BRWD3: variants seen among roughly 807,000 people sequenced by gnomAD.
BRWD3 encodes the protein bromodomain and WD repeat-containing protein 3.
BRWD3 carries 10 observed loss-of-function variants against 149.7 expected under a neutral mutation model. The ratio of observed to expected loss-of-function variants is 0.07; its 90% CI spans 0.04 to 0.11. BRWD3 has a LOEUF of 0.11. BRWD3 is among the 10% of genes least tolerant of loss of function. BRWD3 has a pLI of 1.00. For synonymous variants in BRWD3, 504 were observed against 456.7 expected (o/e 1.10, Z -1.32); for missense variants, 940 against 1,373.2 (o/e 0.68, Z 4.99).
intron 4 of BRWD3, among the ~76,000 whole-genome samples, chrX:80,806,116 T>C (rs771564048): frequency 3.6e-5 from 4 of 111,551 alleles, no homozygotes. Context: ...GTTCAAATTA[T>C]CACTCAACCC....
At chrX:80,733,302 T>C in intron 12 of BRWD3, 154 bp downstream of exon 12, 2 of 424,516 alleles carry the variant, frequency 4.7e-6, no homozygotes, top group Non-Finnish European at 8.2e-6. Context: ...ATTGTGGAAG[T>C]GATGGCTAAG....
intron 8 of BRWD3, among the ~76,000 whole-genome samples, chrX:80,740,022 A>C (rs1331132851): frequency 1.8e-5 from 2 of 112,097 alleles, no homozygotes; most frequent in Non-Finnish European, 3.8e-5. Flanking sequence ...GTCAGATATG[A>C]TAGTGAGATC....
At chrX:80,734,583 T>C (rs1569266946) in intron 10 of BRWD3, among the ~76,000 whole-genome samples, 1 of 111,217 alleles carries the variant, frequency 9.0e-6, no homozygotes. Flanking sequence ...TCAACTGCTT[T>C]TGGGATGATG....
At chrX:80,728,491 T>C (rs1325087028) in intron 14 of BRWD3, among the ~76,000 whole-genome samples, 1 of 111,602 alleles carries the variant, frequency 9.0e-6, no homozygotes, top group East Asian at 2.8e-4. Flanking sequence ...AACTTATATG[T>C]CCTCATTGTA....
At chrX:80,687,060 C>CTCAT (rs2072537223) in intron 34 of BRWD3, 57 bp from the exon 35 acceptor site, 6 of 1,052,186 alleles carry the variant, frequency 5.7e-6, no homozygotes, top group Non-Finnish European at 7.9e-6. Context: ...AGTTGATTTT[C>CTCAT]TCATAAGTCC....
At chrX:80,737,640 G>A (rs181610263) in intron 8 of BRWD3, among the ~76,000 whole-genome samples, 1 of 111,929 alleles carries the variant, frequency 8.9e-6, no homozygotes, top group African/African-American at 3.2e-5. Flanking sequence ...TTCGAAACGA[G>A]ACTGGCCGAT....
rs1170304145 is a variant in BRWD3, at chrX:80,673,130, A to G, written c.*3479T>C. On this transcript the variant is annotated 3_prime_UTR_variant, in exon 41 of 41. Transcript: ENST00000373275. ...AAGATAAATAACAGAAACGTACTTA[A>G]AAGTATTAGAAGGCTGAGTTAAATA... The G allele has an allele frequency of 8.9e-6, 1 of 111,964 alleles. No individual in the cohort carries two copies. Among genetic ancestry groups the G allele is most frequent in the Non-Finnish European group, 1.9e-5 (1 of 53,192 alleles). The allele number at this position is 111,964 out of a possible 1,213,427, so 9.2% of individuals were successfully genotyped here.
At chrX:80,711,242 T>G (rs971117559) in intron 20 of BRWD3, among the ~76,000 whole-genome samples, 1 of 111,857 alleles carries the variant, frequency 8.9e-6, no homozygotes, top group Admixed American at 9.5e-5. Flanking sequence ...AGGGCTAAAC[T>G]CTGATCTTTT....
At chrX:80,721,863 T>C (rs977976431) in intron 17 of BRWD3, among the ~76,000 whole-genome samples, 1 of 111,760 alleles carries the variant, frequency 8.9e-6, no homozygotes, top group African/African-American at 3.3e-5. Context: ...TTCTTTTTAT[T>C]GAGACAAGAG....
At chrX:80,766,690 G>A (rs189353661) in intron 6 of BRWD3, among the ~76,000 whole-genome samples, 1 of 112,003 alleles carries the variant, frequency 8.9e-6, no homozygotes, top group African/African-American at 3.2e-5. Flanking sequence ...CTCCCAGCGT[G>A]ATCGATGCAG....
At position 80,672,745 on chromosome X, in the gene BRWD3, C is replaced by G. The variant is rs192339199; in HGVS notation, c.*3864G>C. The G allele has an allele frequency of 9.0e-6, 1 of 111,339 alleles. No homozygotes were observed. The highest frequency in any genetic ancestry group is 3.3e-5 in the African/African-American group (1 of 30,604). 9.2% of individuals were successfully genotyped at this position (111,339 alleles called of 1,213,427 possible). On this transcript the variant is annotated 3_prime_UTR_variant, in exon 41 of 41. Coordinates refer to ENST00000373275, the MANE Select transcript of BRWD3 (RefSeq NM_153252.5). ...ATTTAAAACAATGGACTTTACATGT[C>G]GAAAGTTCCATCCCTTCCCCTAGAA... is the stretch of plus-strand genomic sequence containing the variant.
chrX:80,755,755 C>T (rs757106485), intron 6 of BRWD3, among the ~76,000 whole-genome samples: 2 of 111,252 alleles, frequency 1.8e-5, no homozygotes, highest in Admixed American at 9.6e-5. Flanking sequence ...GGAATGGTTA[C>T]GTATTAAATT....
chrX:80,726,952 C>G (rs1034692830), intron 14 of BRWD3, among the ~76,000 whole-genome samples: 6 of 109,692 alleles, frequency 5.5e-5, no homozygotes, highest in Admixed American at 4.9e-4. Context: ...GTTTGTTAAA[C>G]TCTAATGATA....
intron 6 of BRWD3, among the ~76,000 whole-genome samples, chrX:80,757,252 A>T (rs1286904102): frequency 8.9e-6 from 1 of 112,187 alleles, no homozygotes; most frequent in Non-Finnish European, 1.9e-5. Flanking sequence ...CCACTATGTC[A>T]CAAAAGTAAA....
chrX:80,808,663 C>G, intron 3 of BRWD3, 65 bp from the exon 4 acceptor site: 1 of 1,018,531 alleles, frequency 9.8e-7, no homozygotes, highest in Non-Finnish European at 1.4e-6. Flanking sequence ...CCTCCGCTCC[C>G]CATCAACTGG....
intron 25 of BRWD3, among the ~76,000 whole-genome samples, chrX:80,697,105 A>T (rs1419285505): frequency 1.8e-5 from 2 of 110,558 alleles, no homozygotes; most frequent in African/African-American, 6.6e-5. Flanking sequence ...AAATTTAATG[A>T]TCCGAAATCC....
At chrX:80,715,511 T>G (rs2073063570) in intron 20 of BRWD3, among the ~76,000 whole-genome samples, 1 of 112,190 alleles carries the variant, frequency 8.9e-6, no homozygotes, top group African/African-American at 3.2e-5. Flanking sequence ...CTGAGAGTAT[T>G]CTGCTTAGCA....
chrX:80,735,268 C>G (rs928880202), intron 9 of BRWD3, 71 bp from the exon 10 acceptor site: 29 of 808,976 alleles, frequency 3.6e-5, no homozygotes, highest in Admixed American at 6.7e-5. Context: ...TAGCGCACTA[C>G]TGGATACTGA....
intron 6 of BRWD3, among the ~76,000 whole-genome samples, chrX:80,773,454 A>G (rs993106656): frequency 8.9e-6 from 1 of 111,787 alleles, no homozygotes; most frequent in Non-Finnish European, 1.9e-5. Context: ...TCAGCTAAAC[A>G]TGAACTCTCC....
Sources: gnomAD v4.1 joint callset for allele counts (sites outside exome capture counted in the v4.1 genomes callset) on GRCh38, gnomAD v4.1.1 for gene constraint, MANE v1.5 for transcripts, NCBI Gene and HGNC (gene_info 2026-07-23, HGNC 2026-07-21) for gene names.